OSBPL6: variants seen among roughly 807,000 people sequenced by gnomAD.
The protein encoded by OSBPL6 is oxysterol-binding protein-related protein 6.
A neutral mutation model predicts 125.8 loss-of-function variants in OSBPL6; 49 were observed. The ratio of observed to expected loss-of-function variants is 0.39; its 90% CI spans 0.31 to 0.49. The LOEUF is 0.49. OSBPL6 is among the 20% of genes least tolerant of loss of function. OSBPL6 has a pLI of 0.88. For synonymous variants in OSBPL6, 394 were observed against 391.8 expected, an observed-to-expected ratio of 1.01 and a Z score of -0.07; for missense variants, 986 against 1,135.4, an observed-to-expected ratio of 0.87 and a Z score of 1.89.
chr2:178,250,253 C>T (rs2091645385), intron 1 of OSBPL6, among the ~76,000 whole-genome samples: 1 of 152,160 alleles, frequency 6.6e-6, no homozygotes, highest in South Asian at 2.1e-4. Context: ...CCTAGGAGCT[C>T]CAGAAAATTA....
At chr2:178,359,523 A>G (rs1391442700) in intron 12 of OSBPL6, among the ~76,000 whole-genome samples, 1 of 152,026 alleles carries the variant, frequency 6.6e-6, no homozygotes, top group African/African-American at 2.4e-5. Flanking sequence ...AAATAGAACT[A>G]CCATATGACC....
intron 3 of OSBPL6, among the ~76,000 whole-genome samples, chr2:178,319,106 G>A (rs1688020939): frequency 6.6e-6 from 1 of 152,152 alleles, no homozygotes; most frequent in Non-Finnish European, 1.5e-5. Context: ...TGGTATGCTG[G>A]TCTGTAGAGC....
chr2:178,207,344 A>G (rs536694783), intron 1 of OSBPL6, among the ~76,000 whole-genome samples: 102 of 152,178 alleles, frequency 6.7e-4, no homozygotes, highest in Non-Finnish European at 1.2e-3. Flanking sequence ...TCTGTGTCAG[A>G]ACTCTCTCTG....
chr2:178,230,194 G>GTC (rs1298054858), intron 1 of OSBPL6, among the ~76,000 whole-genome samples: 1 of 152,204 alleles, frequency 6.6e-6, no homozygotes, highest in African/African-American at 2.4e-5. Context: ...ATCCCATTGA[G>GTC]TAGAGCTAAA....
intron 11 of OSBPL6, among the ~76,000 whole-genome samples, chr2:178,340,794 C>T (rs1475722823): frequency 6.6e-6 from 1 of 152,150 alleles, no homozygotes; most frequent in African/African-American, 2.4e-5. Context: ...TCATTAATAA[C>T]ATTCTTCATA....
intron 9 of OSBPL6, among the ~76,000 whole-genome samples, chr2:178,337,557 T>C (rs147361418): frequency 6.6e-6 from 1 of 152,338 alleles, no homozygotes; most frequent in East Asian, 1.9e-4. Context: ...TGATGAGACA[T>C]AGCGCAGTAA....
chr2:178,402,534 C>G lies in OSBPL6; in HGVS notation c.*6975C>G. ...AAGGTCTAGCAGGACATTCTTGATC[C>G]AGGTCAGCTTCTTCCCTGAAAATAA... is the stretch of plus-strand genomic sequence containing the variant. On this transcript the variant is annotated 3_prime_UTR_variant, in exon 25 of 25. Transcript: ENST00000190611. The G allele has an allele frequency of 6.6e-6, 1 of 152,182 alleles. No homozygotes were observed. Among genetic ancestry groups the G allele is most frequent in the East Asian group, 1.9e-4 (1 of 5,198 alleles). The allele number at this position is 152,182 out of a possible 1,614,324, so 9.4% of individuals were successfully genotyped here.
At chr2:178,292,818 G>A (rs569916089) in intron 2 of OSBPL6, among the ~76,000 whole-genome samples, 3 of 152,202 alleles carry the variant, frequency 2.0e-5, no homozygotes, top group East Asian at 1.9e-4. Context: ...GAGCTATGAA[G>A]GAAATGAAAA....
intron 1 of OSBPL6, among the ~76,000 whole-genome samples, chr2:178,197,146 T>C (rs1274829552): frequency 6.6e-6 from 1 of 152,176 alleles, no homozygotes; most frequent in African/African-American, 2.4e-5. Context: ...GGTTTGTAGG[T>C]TATGTGAATA....
chr2:178,346,159 A>G (rs760680801), intron 11 of OSBPL6, among the ~76,000 whole-genome samples: 1 of 152,186 alleles, frequency 6.6e-6, no homozygotes, highest in Non-Finnish European at 1.5e-5. Flanking sequence ...TCTTAGCACT[A>G]GCATTCAGAA....
At chr2:178,237,077 G>A (rs1041669680) in intron 1 of OSBPL6, among the ~76,000 whole-genome samples, 1 of 152,056 alleles carries the variant, frequency 6.6e-6, no homozygotes, top group Non-Finnish European at 1.5e-5. Context: ...TTTACTCTGG[G>A]GATAAATAAC....
Position 178,395,602 on chromosome 2 carries a change from A to G in OSBPL6, c.*43A>G. 7.4e-7 allele frequency: 1 copy of G among 1,356,714 alleles called. No homozygotes were observed. Among genetic ancestry groups the G allele is most frequent in the Non-Finnish European group, 1.0e-6 (1 of 953,768 alleles). 84.0% of individuals were successfully genotyped at this position (1,356,714 alleles called of 1,614,324 possible). A position where few individuals can be genotyped will look rare whatever the true frequency, so the allele number is the denominator to read the frequency against. On this transcript the variant is annotated 3_prime_UTR_variant, in exon 25 of 25. Transcript: ENST00000190611. ...AGCCAACATATCACATTCTGAATGAATAAATAACTATGCACAATTATGTTT... is the reference window on the plus strand; with the variant it reads ...AGCCAACATATCACATTCTGAATGAGTAAATAACTATGCACAATTATGTTT...
chr2:178,291,791 TG>T (rs1685298309), intron 2 of OSBPL6, among the ~76,000 whole-genome samples: 4 of 17,434 alleles, frequency 2.3e-4, no homozygotes, highest in African/African-American at 4.5e-4. Flanking sequence ...CCTTCCTGCC[TG>T]CCATCCATCC....
intron 2 of OSBPL6, among the ~76,000 whole-genome samples, chr2:178,288,641 CTT>C (rs777799582): frequency 2.9e-5 from 4 of 138,650 alleles, no homozygotes; most frequent in African/African-American, 7.9e-5. Flanking sequence ...GGAAAAGGGA[CTT>C]TTTTTTTTTT....
chr2:178,289,019 T>C (rs334624), intron 2 of OSBPL6, among the ~76,000 whole-genome samples: 69,836 of 141,000 alleles, frequency 0.5, 17,208 homozygotes, highest in Non-Finnish European at 0.53. Flanking sequence ...TTTTCTTCTT[T>C]TTTTTTTTTT....
At chr2:178,235,398 C>CTTTT (rs540269327) in intron 1 of OSBPL6, among the ~76,000 whole-genome samples, 9 of 78,038 alleles carry the variant, frequency 1.2e-4, no homozygotes, top group South Asian at 4.9e-4. Flanking sequence ...CTTTTCTTTT[C>CTTTT]TTTTTTTTTT....
At chr2:178,273,001 A>G (rs10497512) in intron 1 of OSBPL6, among the ~76,000 whole-genome samples, 1,770 of 152,318 alleles carry the variant, frequency 0.012, 32 homozygotes, top group African/African-American at 0.041. Context: ...GGATAATTCC[A>G]CTGAGCCACA....
chr2:178,235,410 T>C (rs1240670117), intron 1 of OSBPL6, among the ~76,000 whole-genome samples: 6 of 133,940 alleles, frequency 4.5e-5, no homozygotes, highest in Admixed American at 7.5e-5. Flanking sequence ...TTTTTTTTTT[T>C]TTTTTTTTTT....
At chr2:178,360,714 C>T (rs145409850) in intron 12 of OSBPL6, among the ~76,000 whole-genome samples, 3 of 152,282 alleles carry the variant, frequency 2.0e-5, no homozygotes, top group African/African-American at 4.8e-5. Flanking sequence ...GGATGAAGAG[C>T]TTGCTTTTAG....
Sources: allele counts gnomAD v4.1 joint callset (sites outside exome capture counted in the v4.1 genomes callset), GRCh38; gene constraint gnomAD v4.1.1; transcripts MANE v1.5; gene names NCBI Gene and HGNC (gene_info 2026-07-23, HGNC 2026-07-21).